NTRK2: variants seen among roughly 807,000 people sequenced by gnomAD.
NTRK2 encodes neurotrophic receptor tyrosine kinase 2.
Under a neutral mutation model 94.5 loss-of-function variants are expected in NTRK2, and 13 were observed. The ratio of observed to expected loss-of-function variants is 0.14; its 90% confidence interval spans 0.09 to 0.22. NTRK2 has a LOEUF of 0.22. Ranked by LOEUF, NTRK2 falls within the 10% of genes least tolerant of loss-of-function variation. The pLI is 1.00. For synonymous variants in NTRK2, 372 were observed against 407.4 expected, an observed-to-expected ratio of 0.91 and a Z score of 1.05; for missense variants, 639 against 1,071.2, an observed-to-expected ratio of 0.60 and a Z score of 5.63.
intron 12 of NTRK2, among the ~76,000 whole-genome samples, chr9:84,761,422 C>A (rs187943046): frequency 1.3e-5 from 2 of 152,208 alleles, no homozygotes; most frequent in Non-Finnish European, 2.9e-5. Context: ...CCCAACTGAG[C>A]CTTTCCTGCA....
chr9:84,727,618 T>C (rs776878077), intron 8 of NTRK2, 36 bp from the exon 9 acceptor site: 5 of 1,601,248 alleles, frequency 3.1e-6, no homozygotes, highest in Non-Finnish European at 4.3e-6. Context: ...AATTCTGAGC[T>C]TTCTGATGCT....
In NTRK2 at chr9:84,948,533, G is replaced by A. The variant is rs769259479; in HGVS notation, c.1836G>A (p.Gln612=). The A allele has an allele frequency of 2.5e-6, 4 of 1,614,060 alleles. No individual in the cohort carries two copies. Among genetic ancestry groups the A allele is most frequent in the Non-Finnish European group, 3.4e-6 (4 of 1,179,996 alleles). The change falls in exon 16 of 19, where the codon CAG becomes CAA. Residue 612 remains glutamine, a synonymous_variant. Transcript: ENST00000277120. ...AGGCCGAGCTCCTGACCAACCTCCA[G>A]CATGAGCACATCGTCAAGTTCTATG... ...HREAELLTNL[Q]HEHIVKFYGV... is the part of the protein sequence containing the mutation.
At chr9:84,973,660 G>A (rs1826453262) in intron 17 of NTRK2, among the ~76,000 whole-genome samples, 1 of 152,176 alleles carries the variant, frequency 6.6e-6, no homozygotes, top group Non-Finnish European at 1.5e-5. Flanking sequence ...CCACCCATGT[G>A]ATCTGTACAT....
At chr9:84,830,528 AGCAT>A (rs1281999249) in intron 12 of NTRK2, among the ~76,000 whole-genome samples, 8 of 147,042 alleles carry the variant, frequency 5.4e-5, no homozygotes, top group Non-Finnish European at 1.0e-4. Context: ...TATGTGTATG[AGCAT>A]GCATGCGTGT....
intron 17 of NTRK2, among the ~76,000 whole-genome samples, chr9:84,976,337 G>A (rs897076405): frequency 6.6e-6 from 1 of 152,096 alleles, no homozygotes; most frequent in Non-Finnish European, 1.5e-5. Flanking sequence ...AGGACACAAA[G>A]TTCTATGGGA....
At chr9:84,796,677 T>C (rs1169432917) in intron 12 of NTRK2, among the ~76,000 whole-genome samples, 1 of 152,206 alleles carries the variant, frequency 6.6e-6, no homozygotes, top group Non-Finnish European at 1.5e-5. Context: ...ATTCAGATCA[T>C]TAATTTAGTG....
At chr9:84,730,451 G>GA (rs1171601721) in intron 9 of NTRK2, among the ~76,000 whole-genome samples, 1 of 147,894 alleles carries the variant, frequency 6.8e-6, no homozygotes, top group Non-Finnish European at 1.5e-5. Context: ...TAAAACTAAA[G>GA]AAAAATAGGC....
intron 14 of NTRK2, chr9:84,871,970 G>A (rs1433811648): frequency 5.7e-6 from 9 of 1,569,282 alleles, no homozygotes; most frequent in Non-Finnish European, 6.9e-6. Context: ...ACCTAGCCAA[G>A]CAAGAAGTTG....
intron 14 of NTRK2, among the ~76,000 whole-genome samples, chr9:84,881,947 A>G (rs1453188004): frequency 6.6e-6 from 1 of 152,208 alleles, no homozygotes; most frequent in Non-Finnish European, 1.5e-5. Context: ...GGAAATATAC[A>G]TATTTCTCTC....
intron 14 of NTRK2, among the ~76,000 whole-genome samples, chr9:84,897,483 C>T (rs1290073944): frequency 2.6e-5 from 4 of 152,184 alleles, no homozygotes; most frequent in Admixed American, 6.5e-5. Context: ...CAGGGGTTCC[C>T]CCTGTGGTGT....
chr9:84,671,444 T>C (rs895072756), intron 2 of NTRK2, among the ~76,000 whole-genome samples: 4 of 152,216 alleles, frequency 2.6e-5, no homozygotes, highest in Admixed American at 6.5e-5. Context: ...AGATTTAAGT[T>C]AACCAATTTC....
chr9:84,875,226 T>C (rs1419878559), intron 14 of NTRK2: 18 of 1,058,278 alleles, frequency 1.7e-5, no homozygotes, highest in Non-Finnish European at 2.1e-5. Flanking sequence ...TTTGGGGAGA[T>C]TGTGCTGCAC....
chr9:84,863,337 G>A (rs2075419850), intron 13 of NTRK2, among the ~76,000 whole-genome samples: 1 of 152,152 alleles, frequency 6.6e-6, no homozygotes, highest in African/African-American at 2.4e-5. Flanking sequence ...GGCTAAAAAT[G>A]TTTCCAGACT....
chr9:84,844,649 TCACACACACACACACACACACACACA>T (rs10562034), intron 12 of NTRK2, among the ~76,000 whole-genome samples: 10 of 140,828 alleles, frequency 7.1e-5, no homozygotes, highest in Non-Finnish European at 1.4e-4. Context: ...AATACCTCAC[TCACACACACACACACACACACACACA>T]CACACACACA....
At chr9:84,875,317 G>C in intron 14 of NTRK2, 8 of 1,059,566 alleles carry the variant, frequency 7.6e-6, no homozygotes, top group Non-Finnish European at 8.0e-6. Context: ...GGTTAAGAGC[G>C]GGGGTCTGGC....
chr9:84,866,765 T>C (rs1306386383), intron 13 of NTRK2, among the ~76,000 whole-genome samples: 1 of 152,196 alleles, frequency 6.6e-6, no homozygotes, highest in Non-Finnish European at 1.5e-5. Flanking sequence ...CGTATATGAA[T>C]GTTCATAGTA....
At chr9:84,707,818 T>G (rs199672014) in intron 4 of NTRK2, 26 bp from the exon 5 acceptor site, 5 of 1,566,472 alleles carry the variant, frequency 3.2e-6, no homozygotes, top group Non-Finnish European at 4.4e-6. Context: ...TTTAAATTCA[T>G]GTTTAATGTT....
Position 84,724,243 on chromosome 9 carries a change from A to G in NTRK2, c.740A>G (p.Gln247Arg), listed in dbSNP as rs1287454889. The change falls in exon 8 of 19, where the codon CAG (glutamine) becomes CGG (arginine). Residue 247 changes from glutamine to arginine, a missense_variant. Gln to Arg is a conservative substitution (Grantham distance 43, BLOSUM62 1). Coordinates refer to ENST00000277120, the MANE Select transcript of NTRK2 (RefSeq NM_006180.6). ...SKHMNETSHTQGSLRITNISS... is the reference protein window; with the variant it reads ...SKHMNETSHTRGSLRITNISS... Reference sequence around the variant, plus strand: ...TTGTAGAATGAAACAAGCCACACACAGGGCTCCTTAAGGATAACTAACATT... The same window carrying G: ...TTGTAGAATGAAACAAGCCACACACGGGGCTCCTTAAGGATAACTAACATT... 6.2e-6 allele frequency: 10 copies of G among 1,614,164 alleles called. No individual in the cohort carries two copies. The highest frequency in any genetic ancestry group is 8.5e-6 in the Non-Finnish European group (10 of 1,179,974).
At chr9:84,785,640 G>A (rs1055680065) in intron 12 of NTRK2, among the ~76,000 whole-genome samples, 3 of 152,142 alleles carry the variant, frequency 2.0e-5, no homozygotes, top group African/African-American at 4.8e-5. Flanking sequence ...GTTGTGCCTC[G>A]AAAATATTGG....
Sources: allele counts gnomAD v4.1 joint callset (sites outside exome capture counted in the v4.1 genomes callset), GRCh38; gene constraint gnomAD v4.1.1; transcripts MANE v1.5; gene names NCBI Gene and HGNC (gene_info 2026-07-23, HGNC 2026-07-21).